UGT1A8: variants seen among roughly 807,000 people sequenced by gnomAD.
UGT1A8 encodes the protein UDP glucuronosyltransferase family 1 member A8, also known as UDP-glucuronosyltransferase 1A8.
Under a neutral mutation model 45.3 loss-of-function variants are expected in UGT1A8, and 39 were observed. The ratio of observed to expected loss-of-function variants is 0.86; its 90% CI spans 0.67 to 1.12. The LOEUF (loss-of-function observed/expected upper bound fraction) is 1.12, where lower values mean the gene tolerates loss of function less well. UGT1A8 is among the 50% of genes most tolerant of loss of function. UGT1A8 has a pLI of 0.00. For missense variants in UGT1A8, 719 were observed against 664.9 expected, an observed-to-expected ratio of 1.08 and a Z score of -0.90; for synonymous variants, 275 against 249.2, an observed-to-expected ratio of 1.10 and a Z score of -0.97.
chr2:233,636,849 A>G, intron 1 of UGT1A8: 1 of 1,614,172 alleles, frequency 6.2e-7, no homozygotes, highest in Non-Finnish European at 8.5e-7. Context: ...TTTCTCTATT[A>G]ATGAGTTCAT....
intron 1 of UGT1A8, among the ~76,000 whole-genome samples, chr2:233,730,325 C>G (rs532901219): frequency 2.0e-5 from 3 of 152,132 alleles, no homozygotes; most frequent in Non-Finnish European, 4.4e-5. Flanking sequence ...AACAGGGACA[C>G]TACGTTTGGA....
chr2:233,725,080 G>A (rs1417813271), intron 1 of UGT1A8, among the ~76,000 whole-genome samples: 3 of 144,008 alleles, frequency 2.1e-5, no homozygotes, highest in Non-Finnish European at 4.6e-5. Context: ...GCAGGCACTC[G>A]GCAGGCTGAG....
chr2:233,752,759 A>G (rs942722882), intron 1 of UGT1A8, among the ~76,000 whole-genome samples: 3 of 152,242 alleles, frequency 2.0e-5, no homozygotes, highest in African/African-American at 7.2e-5. Context: ...ACAAACAAAC[A>G]AACAAACAAA....
chr2:233,699,626 T>C (rs2075516082), intron 1 of UGT1A8, among the ~76,000 whole-genome samples: 1 of 152,224 alleles, frequency 6.6e-6, no homozygotes, highest in African/African-American at 2.4e-5. Context: ...GAATGCAAGC[T>C]CAGGCCTAGA....
intron 1 of UGT1A8, among the ~76,000 whole-genome samples, chr2:233,766,078 C>T (rs1051764857): frequency 4.6e-5 from 7 of 152,154 alleles, no homozygotes; most frequent in African/African-American, 1.4e-4. Flanking sequence ...TCTACCTTGT[C>T]GCAAGGACAG....
intron 1 of UGT1A8, among the ~76,000 whole-genome samples, chr2:233,757,535 A>AATAAATATACATATACATATATATAT (rs1553619837): frequency 3.1e-4 from 27 of 88,234 alleles, no homozygotes; most frequent in African/African-American, 1.4e-3. Context: ...GCCTGTAAGG[A>AATAAATATACATATACATATATATAT]ATATATATAT....
At chr2:233,744,795 G>A (rs1194652207) in intron 1 of UGT1A8, among the ~76,000 whole-genome samples, 2 of 151,864 alleles carry the variant, frequency 1.3e-5, no homozygotes, top group Non-Finnish European at 2.9e-5. Context: ...AATTCTTGGG[G>A]ATCCCTAGGA....
intron 1 of UGT1A8, among the ~76,000 whole-genome samples, chr2:233,734,657 A>G (rs1389558129): frequency 6.6e-6 from 1 of 152,186 alleles, no homozygotes; most frequent in African/African-American, 2.4e-5. Context: ...ATTTAATGCT[A>G]TAAATTTCCC....
chr2:233,767,896 C>T lies in UGT1A8; in HGVS notation c.1035C>T (p.Asn345=), dbSNP rs1260686155. ...CCCGACCATCGAATCTTGCGAACAACACGATACTTGTTAAGTGGCTACCCC... is the reference window on the plus strand; with the variant it reads ...CCCGACCATCGAATCTTGCGAACAATACGATACTTGTTAAGTGGCTACCCC... ...TGTRPSNLAN[N]TILVKWLPQN... The change falls in exon 3 of 5, where the codon AAC becomes AAT. Residue 345 remains asparagine (N), a synonymous_variant. Transcript: ENST00000373450. 2.5e-6 allele frequency: 4 copies of T among 1,614,050 alleles called. No homozygotes were observed. Among genetic ancestry groups the T allele is most frequent in the African/African-American group, 1.3e-5 (1 of 74,912 alleles).
intron 1 of UGT1A8, among the ~76,000 whole-genome samples, chr2:233,757,286 A>G (rs1696467514): frequency 8.1e-6 from 1 of 123,644 alleles, no homozygotes. Flanking sequence ...TTCAGAAGGG[A>G]CAGCTGGGGG....
At chr2:233,725,394 T>G (rs2077443989) in intron 1 of UGT1A8, among the ~76,000 whole-genome samples, 1 of 151,450 alleles carries the variant, frequency 6.6e-6, no homozygotes, top group Admixed American at 6.6e-5. Flanking sequence ...ATAGGTTACC[T>G]TGATGGTCTA....
intron 1 of UGT1A8, among the ~76,000 whole-genome samples, chr2:233,637,898 A>G (rs970553659): frequency 1.3e-5 from 2 of 152,162 alleles, no homozygotes; most frequent in African/African-American, 4.8e-5. Context: ...GACAGATTTG[A>G]CAAGTTCTTT....
chr2:233,672,064 G>A, intron 1 of UGT1A8: 7 of 1,614,154 alleles, frequency 4.3e-6, no homozygotes, highest in Non-Finnish European at 5.9e-6. Context: ...CATGAGGTCG[G>A]TGGTGGAGAA....
intron 1 of UGT1A8, chr2:233,754,583 T>A (rs1211544533): frequency 2.3e-6 from 1 of 426,868 alleles, no homozygotes; most frequent in East Asian, 7.0e-5. Context: ...ATGCCGTTTA[T>A]TATGAAGGAC....
chr2:233,690,739 G>A (rs900509800), intron 1 of UGT1A8: 18 of 1,204,014 alleles, frequency 1.5e-5, no homozygotes, highest in Non-Finnish European at 1.8e-5. Context: ...AGATTCCTCT[G>A]GCTAGTGTCC....
intron 1 of UGT1A8, 81 bp downstream of exon 1, chr2:233,618,643 G>T: frequency 1.3e-6 from 2 of 1,520,646 alleles, no homozygotes; most frequent in South Asian, 2.7e-5. Flanking sequence ...ATTGTGATTT[G>T]ACATTTTCAT....
intron 1 of UGT1A8, chr2:233,760,836 T>C: frequency 6.2e-7 from 1 of 1,613,700 alleles, no homozygotes; most frequent in Non-Finnish European, 8.5e-7. Flanking sequence ...AATTTGAGGC[T>C]ACCCAGTGCC....
chr2:233,643,697 G>C (rs1391133083), intron 1 of UGT1A8, among the ~76,000 whole-genome samples: 1 of 152,122 alleles, frequency 6.6e-6, no homozygotes, highest in African/African-American at 2.4e-5. Context: ...GCTCACCAAG[G>C]CCCTTGACGT....
At chr2:233,681,136 C>T (rs571489721) in intron 1 of UGT1A8, among the ~76,000 whole-genome samples, 2 of 151,750 alleles carry the variant, frequency 1.3e-5, no homozygotes, top group Non-Finnish European at 2.9e-5. Flanking sequence ...ACAGGTGAGC[C>T]GCAATTTCCT....
Sources: gnomAD v4.1 joint callset for allele counts (sites outside exome capture counted in the v4.1 genomes callset) on GRCh38, gnomAD v4.1.1 for gene constraint, MANE v1.5 for transcripts, NCBI Gene and HGNC (gene_info 2026-07-23, HGNC 2026-07-21) for gene names.